Variants in PTPRN2 observed in about 807,000 individuals in gnomAD.
PTPRN2 encodes receptor-type tyrosine-protein phosphatase N2.
Under a neutral mutation model 118.8 loss-of-function variants are expected in PTPRN2, and 74 were observed. The observed-to-expected ratio is 0.62, with a 90% CI of 0.52 to 0.76. PTPRN2 has a LOEUF of 0.76. PTPRN2 is among the 30% of genes least tolerant of loss of function. The probability of loss-of-function intolerance (pLI) is 0.00; values close to 1 mark genes in which losing one functional copy is unlikely to be tolerated. For missense variants in PTPRN2, 1,481 were observed against 1,394.4 expected (o/e 1.06, Z -0.99); for synonymous variants, 641 against 608.0 (o/e 1.05, Z -0.80).
At chr7:158,366,319 GC>G (rs1158244552) in intron 2 of PTPRN2, among the ~76,000 whole-genome samples, 1 of 112,768 alleles carries the variant, frequency 8.9e-6, no homozygotes, top group Non-Finnish European at 1.8e-5. Flanking sequence ...GTGTGCAAAT[GC>G]ACACACACAC....
intron 13 of PTPRN2, among the ~76,000 whole-genome samples, chr7:157,682,088 C>T (rs912077672): frequency 6.6e-6 from 1 of 152,248 alleles, no homozygotes; most frequent in Non-Finnish European, 1.5e-5. Flanking sequence ...AAATGTGCGC[C>T]ATAGAACTTC....
intron 12 of PTPRN2, among the ~76,000 whole-genome samples, chr7:157,851,596 C>T (rs929280668): frequency 6.6e-6 from 1 of 151,226 alleles, no homozygotes; most frequent in East Asian, 1.9e-4. Flanking sequence ...GAGGGACTGG[C>T]CAGGGCACAC....
chr7:157,568,580 T>C (rs1799600467), intron 21 of PTPRN2, among the ~76,000 whole-genome samples: 1 of 152,210 alleles, frequency 6.6e-6, no homozygotes, highest in African/African-American at 2.4e-5. Context: ...AGGTTAACGC[T>C]GCAGCGTATG....
At chr7:158,137,331 C>T (rs1288938746) in intron 7 of PTPRN2, among the ~76,000 whole-genome samples, 3 of 152,186 alleles carry the variant, frequency 2.0e-5, no homozygotes, top group Non-Finnish European at 4.4e-5. Flanking sequence ...GCATGAGAAT[C>T]ACTTGAACCC....
At chr7:158,198,955 T>C (rs1424281038) in intron 4 of PTPRN2, among the ~76,000 whole-genome samples, 1 of 148,514 alleles carries the variant, frequency 6.7e-6, no homozygotes, top group African/African-American at 2.5e-5. Flanking sequence ...TCTCAGGTCC[T>C]CCTTAGCCCT....
chr7:158,372,281 C>T (rs34705168), intron 2 of PTPRN2, among the ~76,000 whole-genome samples: 7,088 of 122,318 alleles, frequency 0.058, 1,040 homozygotes, highest in Middle Eastern at 0.074. Flanking sequence ...ATCCCCCCAA[C>T]GCTGGTCCCC....
At chr7:158,263,921 G>A (rs528263306) in intron 3 of PTPRN2, among the ~76,000 whole-genome samples, 7 of 152,322 alleles carry the variant, frequency 4.6e-5, no homozygotes, top group South Asian at 2.1e-4. Context: ...CTGAACACCC[G>A]CGTCACTCAG....
At chr7:158,221,670 G>T (rs1274120097) in intron 3 of PTPRN2, among the ~76,000 whole-genome samples, 1 of 152,098 alleles carries the variant, frequency 6.6e-6, no homozygotes, top group African/African-American at 2.4e-5. Context: ...GGATCCATCA[G>T]ATCTCATGAG....
chr7:158,521,081 G>A (rs1057021914), intron 1 of PTPRN2, among the ~76,000 whole-genome samples: 3 of 152,262 alleles, frequency 2.0e-5, no homozygotes, highest in Non-Finnish European at 4.4e-5. Flanking sequence ...GAGGCGCTCA[G>A]TCCTGCAGAC....
chr7:157,642,839 A>AAAAAAC (rs1563293062), intron 14 of PTPRN2, among the ~76,000 whole-genome samples: 17 of 148,450 alleles, frequency 1.1e-4, no homozygotes, highest in African/African-American at 3.9e-4. Context: ...AAAAAAAAAA[A>AAAAAAC]AAAAAGCAGC....
At chr7:158,209,683 T>G (rs1389005206) in intron 3 of PTPRN2, among the ~76,000 whole-genome samples, 4 of 152,220 alleles carry the variant, frequency 2.6e-5, no homozygotes, top group African/African-American at 9.6e-5. Flanking sequence ...AGCTGCACTG[T>G]TAACCAAATG....
intron 1 of PTPRN2, among the ~76,000 whole-genome samples, chr7:158,490,490 C>G (rs1254780705): frequency 6.6e-6 from 1 of 152,220 alleles, no homozygotes. Context: ...CCCCCGCGGC[C>G]GAGCAGGCTG....
At chr7:157,948,768 G>A (rs1800634739) in intron 11 of PTPRN2, among the ~76,000 whole-genome samples, 1 of 152,142 alleles carries the variant, frequency 6.6e-6, no homozygotes, top group African/African-American at 2.4e-5. Context: ...CCTACATGAT[G>A]TTCAAAATAA....
intron 11 of PTPRN2, among the ~76,000 whole-genome samples, chr7:158,057,102 C>T (rs577506036): frequency 7.9e-5 from 12 of 152,338 alleles, no homozygotes; most frequent in Non-Finnish European, 1.2e-4. Context: ...CTCCCGATTC[C>T]GCTCAGCACC....
chr7:158,301,804 G>A (rs1800910880), intron 3 of PTPRN2, among the ~76,000 whole-genome samples: 1 of 152,152 alleles, frequency 6.6e-6, no homozygotes, highest in Admixed American at 6.5e-5. Flanking sequence ...ACGAAAATTA[G>A]CTGGGCATGG....
chr7:157,768,131 T>A (rs1802592574), intron 12 of PTPRN2, among the ~76,000 whole-genome samples: 1 of 152,220 alleles, frequency 6.6e-6, no homozygotes, highest in South Asian at 2.1e-4. Flanking sequence ...TACTTAAGCA[T>A]CTTTGTTTAA....
intron 2 of PTPRN2, among the ~76,000 whole-genome samples, chr7:158,336,410 A>C (rs28645127): frequency 0.93 from 53,308 of 57,374 alleles, 25,315 homozygotes; most frequent in African/African-American, 0.96. Context: ...ACACTCTCAC[A>C]ATAATTGGTG....
chr7:157,787,348 C>T lies in PTPRN2; in HGVS notation c.1789-104411G>A, dbSNP rs566862496. Among the ~76,000 whole-genome samples, 19 of 152,242 alleles carry T rather than the reference C, an allele frequency of 1.2e-4. No individual in the cohort carries two copies. In the South Asian group the frequency reaches 2.5e-3, roughly 20 times the overall value. On this transcript the variant is annotated intron_variant, in intron 12 of 22. Transcript: ENST00000389418. This position sits in a 1 kb window ranked among gnomAD's most constrained non-coding sequence, Gnocchi z 5.3. ...CCAGGCCCCACCTTGATGGAAACTG[C>T]GACAGGAGGGGGTCTGGCCTCTGCT...
intron 12 of PTPRN2, among the ~76,000 whole-genome samples, chr7:157,756,992 G>A (rs780523407): frequency 1.3e-5 from 2 of 152,200 alleles, no homozygotes; most frequent in East Asian, 1.9e-4. Context: ...GGGACGGGCC[G>A]AAGTCAGGGA....
Sources: allele counts gnomAD v4.1 joint callset (sites outside exome capture counted in the v4.1 genomes callset), GRCh38; gene constraint gnomAD v4.1.1; non-coding constraint Gnocchi (gnomAD v3.1); transcripts MANE v1.5; gene names NCBI Gene and HGNC (gene_info 2026-07-23, HGNC 2026-07-21).